Variants in RAD54B observed in about 807,000 individuals in gnomAD.
The protein encoded by RAD54B is DNA repair and recombination protein RAD54B.
In RAD54B, 78 loss-of-function variants were observed where a neutral mutation model predicts 95.8. The ratio of observed to expected loss-of-function variants is 0.81; its 90% confidence interval spans 0.68 to 0.98. The LOEUF is 0.98. RAD54B is among the 50% of genes least tolerant of loss of function. The probability of loss-of-function intolerance (pLI) is 0.00; values close to 1 mark genes in which losing one functional copy is unlikely to be tolerated. For missense variants in RAD54B, 957 were observed against 1,056.6 expected, an observed-to-expected ratio of 0.91 and a Z score of 1.31; for synonymous variants, 328 against 354.9, an observed-to-expected ratio of 0.92 and a Z score of 0.85.
rs770675670 is a variant in RAD54B at position 94,372,397 on chromosome 8, G to A, written c.2516-10C>T. 7 of 1,609,262 alleles carry A rather than the reference G, an allele frequency of 4.3e-6. No individual in the cohort carries two copies. The East Asian group carries it at 1.6e-4, about 36-fold the overall frequency. ...TTTTCCAACGAATCACCTGTAATAAGTAAAACAATGAGAAAATCCTTAGGC... is the reference window on the plus strand; with the variant it reads ...TTTTCCAACGAATCACCTGTAATAAATAAAACAATGAGAAAATCCTTAGGC... On this transcript the variant is annotated splice_polypyrimidine_tract_variant and intron_variant, in intron 14 of 14. Coordinates refer to ENST00000336148, the MANE Select transcript of RAD54B (RefSeq NM_012415.3).
intron 3 of RAD54B, among the ~76,000 whole-genome samples, chr8:94,454,017 C>G (rs1269324838): frequency 6.6e-6 from 1 of 152,106 alleles, no homozygotes; most frequent in Non-Finnish European, 1.5e-5. Context: ...TCTTGAACTC[C>G]TGACCTCAGG....
Position 94,372,243 on chromosome 8 carries a change from G to T in RAD54B, c.2660C>A (p.Pro887His). ...FSGDHLNLTD[P>H]FLERITENVS... is the part of the protein sequence containing the mutation. The stretch of plus-strand genomic sequence containing the variant: ...ATTTTCTGTTATTCTTTCAAGAAAA[G>T]GATCTGTAAGATTTAAATGATCTCC... Residue 887 changes from proline to histidine, a missense_variant, in exon 15 of 15, where the codon CCT becomes CAT. Coordinates refer to ENST00000336148, the MANE Select transcript of RAD54B (RefSeq NM_012415.3). 1 of 1,612,666 alleles carries T rather than the reference G, an allele frequency of 6.2e-7. No homozygotes were observed. Among genetic ancestry groups the T allele is most frequent in the Non-Finnish European group, 8.5e-7 (1 of 1,179,582 alleles).
At position 94,387,094 on chromosome 8, in the gene RAD54B, A is replaced by G. The variant is rs759833734; in HGVS notation, c.1875T>C (p.Ser625=). ...GAGGGTTGTAGTCAGCAGGAAACACACTTAGCAAGCCTTTGTATAGACTCT... is the reference window on the plus strand; with the variant it reads ...GAGGGTTGTAGTCAGCAGGAAACACGCTTAGCAAGCCTTTGTATAGACTCT... ...EEKSLYKGLL[S]VFPADYNPLL... Residue 625 remains serine (S), a synonymous_variant, in exon 11 of 15, where the codon AGT becomes AGC. Coordinates refer to ENST00000336148, the MANE Select transcript of RAD54B (RefSeq NM_012415.3). The G allele has an allele frequency of 1.9e-6, 3 of 1,613,362 alleles. No homozygotes were observed. Among genetic ancestry groups the G allele is most frequent in the African/African-American group, 2.7e-5 (2 of 74,892 alleles).
chr8:94,450,470 T>C (rs1335618167), intron 3 of RAD54B, among the ~76,000 whole-genome samples: 1 of 152,178 alleles, frequency 6.6e-6, no homozygotes, highest in Non-Finnish European at 1.5e-5. Flanking sequence ...ACAAATACTA[T>C]GCAAAAACCC....
intron 3 of RAD54B, among the ~76,000 whole-genome samples, chr8:94,449,366 G>C (rs931961303): frequency 6.6e-6 from 1 of 151,982 alleles, no homozygotes; most frequent in African/African-American, 2.4e-5. Context: ...CCAGCACTTT[G>C]GGAGGCAGAG....
intron 4 of RAD54B, among the ~76,000 whole-genome samples, chr8:94,408,686 A>G (rs1451683816): frequency 1.3e-5 from 2 of 151,558 alleles, no homozygotes; most frequent in Admixed American, 1.3e-4. Flanking sequence ...GCTCTGATAT[A>G]GGAAGAAATT....
rs146593226 is a variant in RAD54B at position 94,444,140 on chromosome 8, C to T, written c.304+14128G>A. ...AATGTCCAACATATAAAGAACTCAA[C>T]TTCACAAGTAAACAGGGAGACACAA... On this transcript the variant is annotated intron_variant, in intron 3 of 14. Coordinates refer to ENST00000336148, the MANE Select transcript of RAD54B (RefSeq NM_012415.3). Among the ~76,000 whole-genome samples, 98 of 152,112 alleles carry T rather than the reference C, an allele frequency of 6.4e-4. No individual in the cohort carries two copies. In the East Asian group the frequency reaches 0.017, roughly 26 times the overall value.
chr8:94,380,056 AT>A, intron 12 of RAD54B, 88 bp downstream of exon 12: 6 of 1,390,058 alleles, frequency 4.3e-6, no homozygotes, highest in Non-Finnish European at 5.8e-6. Flanking sequence ...TGCAGTGGAT[AT>A]TATATATCAT....
intron 3 of RAD54B, chr8:94,432,028 T>C (rs1257071865): frequency 7.2e-7 from 1 of 1,392,458 alleles, no homozygotes; most frequent in Non-Finnish European, 9.3e-7. Context: ...TAATAGAGAT[T>C]AACAACATTT....
intron 6 of RAD54B, among the ~76,000 whole-genome samples, chr8:94,401,186 C>T (rs1236790020): frequency 1.3e-5 from 2 of 152,006 alleles, no homozygotes; most frequent in Non-Finnish European, 2.9e-5. Flanking sequence ...GACCACTGAA[C>T]AAGAAGGGTT....
intron 3 of RAD54B, among the ~76,000 whole-genome samples, chr8:94,418,816 A>C (rs751025319): frequency 7.9e-5 from 12 of 152,184 alleles, no homozygotes; most frequent in Admixed American, 3.9e-4. Context: ...ATTATTATAT[A>C]GGATAGTGAC....
chr8:94,436,378 C>A (rs1021323071), intron 3 of RAD54B: 1 of 1,279,800 alleles, frequency 7.8e-7, no homozygotes. Context: ...AACAAAGACA[C>A]TATTCATTGC....
At chr8:94,391,516 G>A (rs1386143258) in intron 10 of RAD54B, 93 bp downstream of exon 10, 2 of 1,329,144 alleles carry the variant, frequency 1.5e-6, no homozygotes, top group East Asian at 2.4e-5. Flanking sequence ...ACCCACAAAT[G>A]CAACCTCAGA....
chr8:94,392,672 A>T (rs1455769172), intron 9 of RAD54B, among the ~76,000 whole-genome samples: 1 of 150,950 alleles, frequency 6.6e-6, no homozygotes, highest in Non-Finnish European at 1.5e-5. Context: ...ATCTCAGCTC[A>T]CTACAACCTC....
At chr8:94,385,283 T>C (rs996870463) in intron 11 of RAD54B, among the ~76,000 whole-genome samples, 1 of 151,940 alleles carries the variant, frequency 6.6e-6, no homozygotes, top group African/African-American at 2.4e-5. Context: ...TCTCATTTCT[T>C]CCAAAACTCT....
At chr8:94,376,274 A>G (rs1810569448) in intron 14 of RAD54B, among the ~76,000 whole-genome samples, 1 of 152,158 alleles carries the variant, frequency 6.6e-6, no homozygotes, top group South Asian at 2.1e-4. Context: ...ACTAAAATAC[A>G]TTTTAAAACA....
intron 3 of RAD54B, chr8:94,428,986 T>C (rs1586162553): frequency 1.0e-6 from 1 of 982,816 alleles, no homozygotes; most frequent in South Asian, 4.7e-5. Flanking sequence ...AACTATACTA[T>C]GTTAATCATG....
rs539132467 is a variant in RAD54B, at chr8:94,374,037, C to T, written c.2516-1650G>A. ...GCTCACGCCTGTAATCCCAGCACTTCGGGAGGCCAAGGCGGGCAGATCACG... is the reference window on the plus strand; with the variant it reads ...GCTCACGCCTGTAATCCCAGCACTTTGGGAGGCCAAGGCGGGCAGATCACG... On this transcript the variant is annotated intron_variant, in intron 14 of 14. Coordinates refer to ENST00000336148, the MANE Select transcript of RAD54B (RefSeq NM_012415.3). Among the ~76,000 whole-genome samples the T allele has an allele frequency of 9.2e-5, 14 of 152,132 alleles. No homozygotes were observed. In the East Asian group the frequency reaches 2.5e-3, roughly 27 times the overall value.
intron 3 of RAD54B, chr8:94,432,275 AT>A (rs1408004882): frequency 4.5e-6 from 7 of 1,550,204 alleles, no homozygotes; most frequent in Non-Finnish European, 6.1e-6. Flanking sequence ...ACAATCCAAA[AT>A]TTTTTTGATT....
Sources: allele counts gnomAD v4.1 joint callset (sites outside exome capture counted in the v4.1 genomes callset), GRCh38; gene constraint gnomAD v4.1.1; transcripts MANE v1.5; gene names NCBI Gene and HGNC (gene_info 2026-07-23, HGNC 2026-07-21).